Variants in TRPM1 observed in about 807,000 individuals in gnomAD.
TRPM1 encodes the protein transient receptor potential cation channel subfamily M member 1.
Under a neutral mutation model 149.4 loss-of-function variants are expected in TRPM1, and 113 were observed. That is an observed-to-expected ratio of 0.76 (90% CI 0.65 to 0.88). TRPM1 has a LOEUF of 0.88. Among genes scored for constraint, TRPM1 ranks in the 40% least tolerant of loss-of-function variants. The pLI is 0.00. For synonymous variants in TRPM1, 741 were observed against 759.5 expected (o/e 0.98, Z 0.40); for missense variants, 1,976 against 2,038.7 (o/e 0.97, Z 0.59).
chr15:31,148,143 T>C lies in TRPM1; in HGVS notation c.54+12763A>G, dbSNP rs990195431. 1.4e-4 allele frequency among the ~76,000 whole-genome samples: 22 copies of C among 152,312 alleles called. No individual in the cohort carries two copies. In the South Asian group the frequency reaches 2.1e-3, roughly 14 times the overall value. ...CCAAGATTTCCATAACAATGTGTCCTTGTGGGGAATGGGGCAGTCCAGGCT... is the reference window on the plus strand; with the variant it reads ...CCAAGATTTCCATAACAATGTGTCCCTGTGGGGAATGGGGCAGTCCAGGCT... On this transcript the variant is annotated intron_variant, in intron 1 of 26. Coordinates refer to the TRPM1 transcript ENST00000542188.
At chr15:31,014,065 C>T (rs1436336140) in intron 27 of TRPM1, among the ~76,000 whole-genome samples, 1 of 152,200 alleles carries the variant, frequency 6.6e-6, no homozygotes, top group African/African-American at 2.4e-5. Flanking sequence ...CTTCTCAGGT[C>T]TTCCTGAGTA....
intron 27 of TRPM1, among the ~76,000 whole-genome samples, chr15:31,020,456 G>A (rs2032516240): frequency 6.6e-6 from 1 of 152,226 alleles, no homozygotes; most frequent in Admixed American, 6.5e-5. Context: ...CCTTTCGGCT[G>A]TACGGTGTCA....
chr15:31,031,232 T>C, intron 22 of TRPM1, 75 bp from the exon 23 acceptor site: 1 of 1,536,324 alleles, frequency 6.5e-7, no homozygotes, highest in Non-Finnish European at 9.0e-7. Context: ...TATATTGCTG[T>C]CTCCAATTAA....
At chr15:31,135,005 A>G (rs2036069448) in intron 1 of TRPM1, among the ~76,000 whole-genome samples, 1 of 142,304 alleles carries the variant, frequency 7.0e-6, no homozygotes, top group Admixed American at 6.8e-5. Context: ...TCTCAAAAGG[A>G]AAAAAAAAAG....
chr15:31,074,072 T>C (rs1169541433), intron 3 of TRPM1, among the ~76,000 whole-genome samples: 1 of 151,404 alleles, frequency 6.6e-6, no homozygotes, highest in Non-Finnish European at 1.5e-5. Context: ...TGTATCATTA[T>C]TTTTATATGT....
intron 22 of TRPM1, among the ~76,000 whole-genome samples, chr15:31,032,307 A>C (rs778340834): frequency 2.0e-5 from 3 of 152,122 alleles, no homozygotes; most frequent in Non-Finnish European, 2.9e-5. Context: ...AAACAAACGT[A>C]ATTAGTCACC....
chr15:31,093,251 A>C (rs1463752852), intron 1 of TRPM1, among the ~76,000 whole-genome samples: 1 of 120,028 alleles, frequency 8.3e-6, no homozygotes, highest in Non-Finnish European at 1.7e-5. Context: ...ACAGAGTGAG[A>C]CTTTGTCTCA....
intron 16 of TRPM1, among the ~76,000 whole-genome samples, chr15:31,043,840 G>A (rs2033689779): frequency 6.6e-6 from 1 of 151,952 alleles, no homozygotes; most frequent in South Asian, 2.1e-4. Flanking sequence ...AACTGCCAGA[G>A]AGAGAATATG....
At chr15:31,052,669 G>A (rs773292434) in intron 11 of TRPM1, among the ~76,000 whole-genome samples, 2 of 152,138 alleles carry the variant, frequency 1.3e-5, no homozygotes, top group Non-Finnish European at 2.9e-5. Context: ...CAGCTACTTA[G>A]GAGGCTGAGG....
intron 1 of TRPM1, among the ~76,000 whole-genome samples, chr15:31,091,842 A>G (rs999814304): frequency 6.6e-6 from 1 of 152,196 alleles, no homozygotes; most frequent in Admixed American, 6.5e-5. Flanking sequence ...ACAAAACAAA[A>G]CAAAACAAAA....
chr15:31,131,699 G>A (rs915783434), intron 1 of TRPM1, among the ~76,000 whole-genome samples: 1 of 152,134 alleles, frequency 6.6e-6, no homozygotes, highest in Non-Finnish European at 1.5e-5. Context: ...GGTCAGAGAG[G>A]GGTCCGGGGA....
intron 1 of TRPM1, among the ~76,000 whole-genome samples, chr15:31,158,486 G>T (rs1479050309): frequency 6.6e-6 from 1 of 152,068 alleles, no homozygotes; most frequent in African/African-American, 2.4e-5. Flanking sequence ...AATTATCCGG[G>T]TGTGGTGGCA....
chr15:31,133,669 G>A (rs556422571), intron 1 of TRPM1, among the ~76,000 whole-genome samples: 3 of 149,634 alleles, frequency 2.0e-5, no homozygotes, highest in Non-Finnish European at 3.0e-5. Context: ...GTGACAGAGC[G>A]AGACTGTCTC....
At chr15:31,099,213 C>A (rs978750615) in intron 1 of TRPM1, among the ~76,000 whole-genome samples, 7 of 152,114 alleles carry the variant, frequency 4.6e-5, no homozygotes, top group African/African-American at 1.7e-4. Context: ...AGATACTGAC[C>A]CATCAGATAT....
chr15:31,074,340 G>C (rs1275630087), intron 3 of TRPM1, among the ~76,000 whole-genome samples: 1 of 151,988 alleles, frequency 6.6e-6, no homozygotes, highest in Non-Finnish European at 1.5e-5. Context: ...CTTTTCTTTG[G>C]ACAGTTTTTT....
intron 1 of TRPM1, among the ~76,000 whole-genome samples, chr15:31,111,276 T>C (rs965932376): frequency 3.3e-5 from 5 of 152,208 alleles, no homozygotes; most frequent in African/African-American, 1.2e-4. Context: ...TAACTGCACG[T>C]AAGAAGCCCC....
chr15:31,009,708 T>C (rs2032114433), intron 27 of TRPM1, among the ~76,000 whole-genome samples: 1 of 152,234 alleles, frequency 6.6e-6, no homozygotes, highest in Non-Finnish European at 1.5e-5. Context: ...CACACTTCTC[T>C]GAGGCTTTGG....
In TRPM1 at chr15:31,018,166, C is replaced by T. The variant is rs548296819; in HGVS notation, c.3629+7973G>A. Among the ~76,000 whole-genome samples the T allele has an allele frequency of 3.3e-5, 5 of 152,122 alleles. No homozygotes were observed. In the East Asian group the frequency reaches 9.6e-4, roughly 29 times the overall value. On this transcript the variant is annotated intron_variant, in intron 27 of 27. Transcript: ENST00000256552. Reference sequence around the variant, plus strand: ...TCTCGAGTTCAAGCAACTCTCCTGCCTCAGCCTCCCAAACAGCTGGGATTT... The same window carrying T: ...TCTCGAGTTCAAGCAACTCTCCTGCTTCAGCCTCCCAAACAGCTGGGATTT...
intron 12 of TRPM1, among the ~76,000 whole-genome samples, chr15:31,049,827 G>T (rs1372558063): frequency 6.6e-6 from 1 of 152,212 alleles, no homozygotes; most frequent in Non-Finnish European, 1.5e-5. Context: ...CTGAGAAGTT[G>T]TGCCAGGAGG....
Sources: gnomAD v4.1 joint callset for allele counts (sites outside exome capture counted in the v4.1 genomes callset) on GRCh38, gnomAD v4.1.1 for gene constraint, MANE v1.5 for transcripts, NCBI Gene and HGNC (gene_info 2026-07-23, HGNC 2026-07-21) for gene names.